The following SPHKAP variants were observed in gnomAD, a reference collection of about 807,000 sequenced individuals.
SPHKAP encodes A-kinase anchor protein SPHKAP.
In SPHKAP, 67 loss-of-function variants were observed where a neutral mutation model predicts 137.5. The ratio of observed to expected loss-of-function variants is 0.49; its 90% confidence interval spans 0.40 to 0.60. The LOEUF is 0.60. Among genes scored for constraint, SPHKAP ranks in the 20% least tolerant of loss-of-function variants. The pLI is 0.00. For missense variants in SPHKAP, 2,097 were observed against 2,069.3 expected (o/e 1.01, Z -0.26); for synonymous variants, 813 against 785.3 (o/e 1.04, Z -0.59).
intron 1 of SPHKAP, among the ~76,000 whole-genome samples, chr2:228,133,669 A>G (rs1018509775): frequency 2.6e-5 from 4 of 152,222 alleles, no homozygotes; most frequent in African/African-American, 9.6e-5. Flanking sequence ...TTCTCTTAAA[A>G]CAAGTGCTAA....
At chr2:228,051,376 G>A (rs1441447713) in intron 3 of SPHKAP, among the ~76,000 whole-genome samples, 2 of 152,158 alleles carry the variant, frequency 1.3e-5, no homozygotes, top group South Asian at 2.1e-4. Context: ...GAGTTTGGCT[G>A]CATGACTTGC....
intron 2 of SPHKAP, among the ~76,000 whole-genome samples, chr2:228,116,912 C>G (rs1381132228): frequency 3.3e-5 from 5 of 152,086 alleles, no homozygotes; most frequent in African/African-American, 1.2e-4. Flanking sequence ...ACCATATAGC[C>G]TTTATGATGC....
chr2:228,020,101 T>C lies in SPHKAP; in HGVS notation c.753A>G (p.Gly251=). The C allele has an allele frequency of 6.2e-7, 1 of 1,613,664 alleles. No homozygotes were observed. ...ANVLESKQLK[G]ATQVEWNCNK... ...TGCAATTCCATTCCACCTGGGTGGC[T>C]CCCTTTAGCTGTTTACTTTCCAAAA... Residue 251 remains glycine (G), a synonymous_variant, in exon 7 of 12, where the codon GGA becomes GGG. Coordinates refer to ENST00000392056, the MANE Select transcript of SPHKAP (RefSeq NM_001142644.2).
intron 3 of SPHKAP, among the ~76,000 whole-genome samples, chr2:228,048,106 C>T (rs950375379): frequency 1.3e-5 from 2 of 151,984 alleles, no homozygotes; most frequent in African/African-American, 2.4e-5. Flanking sequence ...CCTAATTGTC[C>T]GCTGGGGCTG....
chr2:228,057,692 G>A (rs897818166), intron 3 of SPHKAP, among the ~76,000 whole-genome samples: 1 of 152,130 alleles, frequency 6.6e-6, no homozygotes, highest in Non-Finnish European at 1.5e-5. Flanking sequence ...GGAGCATAGC[G>A]CATTTAAGAA....
chr2:228,160,161 T>C (rs957666783), intron 1 of SPHKAP, among the ~76,000 whole-genome samples: 3 of 152,222 alleles, frequency 2.0e-5, no homozygotes, highest in Non-Finnish European at 4.4e-5. Flanking sequence ...GAATCTGGCA[T>C]GGAAGCAGGG....
At chr2:228,134,899 C>T (rs906176733) in intron 1 of SPHKAP, among the ~76,000 whole-genome samples, 1 of 152,120 alleles carries the variant, frequency 6.6e-6, no homozygotes, top group Non-Finnish European at 1.5e-5. Context: ...CTGGAGACTG[C>T]AGGAGTAGGA....
intron 3 of SPHKAP, among the ~76,000 whole-genome samples, chr2:228,087,731 A>T (rs1697582140): frequency 6.6e-6 from 1 of 152,172 alleles, no homozygotes; most frequent in African/African-American, 2.4e-5. Flanking sequence ...TTAAAGAGAG[A>T]TTGACAGGGA....
intron 9 of SPHKAP, among the ~76,000 whole-genome samples, chr2:227,993,284 C>T (rs1189728369): frequency 6.6e-6 from 1 of 152,162 alleles, no homozygotes; most frequent in African/African-American, 2.4e-5. Flanking sequence ...AAATGACATA[C>T]ACTTCAGATT....
At chr2:228,135,776 G>A (rs543817969) in intron 1 of SPHKAP, among the ~76,000 whole-genome samples, 68 of 152,296 alleles carry the variant, frequency 4.5e-4, no homozygotes, top group African/African-American at 1.5e-3. Context: ...AGGAAGTTGA[G>A]TCACATGGTG....
intron 3 of SPHKAP, among the ~76,000 whole-genome samples, chr2:228,092,842 G>A (rs140935343): frequency 2.5e-4 from 38 of 152,080 alleles, no homozygotes; most frequent in African/African-American, 8.9e-4. Flanking sequence ...TCACTCATAA[G>A]TGGGAGCTAA....
intron 2 of SPHKAP, among the ~76,000 whole-genome samples, chr2:228,118,876 C>A (rs1417485577): frequency 6.6e-6 from 1 of 151,996 alleles, no homozygotes; most frequent in Non-Finnish European, 1.5e-5. Flanking sequence ...AGAATAACAA[C>A]AACAAAAAAA....
chr2:228,096,985 T>G (rs895328570), intron 3 of SPHKAP, among the ~76,000 whole-genome samples: 4 of 152,222 alleles, frequency 2.6e-5, no homozygotes, highest in Non-Finnish European at 2.9e-5. Flanking sequence ...TAGGTGTTTT[T>G]CTTTTTTAAG....
chr2:228,069,638 A>G (rs1696946231), intron 3 of SPHKAP, among the ~76,000 whole-genome samples: 1 of 151,916 alleles, frequency 6.6e-6, no homozygotes, highest in Admixed American at 6.6e-5. Flanking sequence ...AATTACTAGA[A>G]CCATCAAGGT....
Position 228,025,468 on chromosome 2 carries a change from G to T in SPHKAP, c.367C>A (p.Pro123Thr), listed in dbSNP as rs1313431155. The T allele has an allele frequency of 1.2e-6, 2 of 1,613,878 alleles. No homozygotes were observed. The highest frequency in any genetic ancestry group is 8.5e-7 in the Non-Finnish European group (1 of 1,179,904). Residue 123 changes from proline to threonine, a missense_variant, in exon 5 of 12, where the codon CCA becomes ACA. Coordinates refer to ENST00000392056, the MANE Select transcript of SPHKAP (RefSeq NM_001142644.2). ...KLISSMNVQQ[P>T]KENEIVVLSG... The stretch of plus-strand genomic sequence containing the variant: ...AGGACAACAATTTCATTTTCTTTTG[G>T]TTGTTGGACATTCATGGAACTGATA...
At chr2:228,117,679 G>A (rs191023296) in intron 2 of SPHKAP, among the ~76,000 whole-genome samples, 3 of 151,930 alleles carry the variant, frequency 2.0e-5, no homozygotes, top group African/African-American at 7.2e-5. Context: ...AGTTCTATGA[G>A]TTTTGAAAAA....
chr2:228,045,444 T>C (rs962354745), intron 3 of SPHKAP, among the ~76,000 whole-genome samples: 12 of 147,008 alleles, frequency 8.2e-5, no homozygotes, highest in African/African-American at 3.1e-4. Flanking sequence ...TCATGTCCTT[T>C]GTAGGGACAT....
chr2:228,177,506 A>G (rs1030468817), intron 1 of SPHKAP, among the ~76,000 whole-genome samples: 4 of 152,224 alleles, frequency 2.6e-5, no homozygotes, highest in African/African-American at 7.2e-5. Context: ...AGAGTAATGG[A>G]TTAATCTTTT....
chr2:228,017,661 G>A lies in SPHKAP; in HGVS notation c.3193C>T (p.Pro1065Ser). The A allele has an allele frequency of 6.2e-7, 1 of 1,613,994 alleles. No individual in the cohort carries two copies. Residue 1065 changes from proline to serine, a missense_variant, in exon 7 of 12, where the codon CCC becomes TCC. Transcript: ENST00000392056. ...TCGCCACTCAGTAACCGATTCCGGG[G>A]ATAGCCCTGCGCCTGCCACATGCCG... ...VDGMWQAQGYPRNRLLSGDRW... is the reference protein window; with the variant it reads ...VDGMWQAQGYSRNRLLSGDRW...
Sources: allele counts gnomAD v4.1 joint callset (sites outside exome capture counted in the v4.1 genomes callset), GRCh38; gene constraint gnomAD v4.1.1; transcripts MANE v1.5; gene names NCBI Gene and HGNC (gene_info 2026-07-23, HGNC 2026-07-21).